PAXIP1: variants seen among roughly 807,000 people sequenced by gnomAD.
PAXIP1 encodes the protein PAX interacting protein 1, also known as PAX-interacting protein 1.
A neutral mutation model predicts 140.6 loss-of-function variants in PAXIP1; 19 were observed. The observed-to-expected ratio is 0.14, with a 90% CI of 0.09 to 0.20. The LOEUF (loss-of-function observed/expected upper bound fraction) is 0.20, where lower values mean the gene tolerates loss of function less well. Among genes scored for constraint, PAXIP1 ranks in the 10% least tolerant of loss-of-function variants. The pLI is 1.00. For missense variants in PAXIP1, 920 were observed against 1,208.6 expected (o/e 0.76, Z 3.54); for synonymous variants, 442 against 444.6 (o/e 0.99, Z 0.07).
At chr7:154,971,350 C>T (rs1390839713) in intron 6 of PAXIP1, among the ~76,000 whole-genome samples, 1 of 152,198 alleles carries the variant, frequency 6.6e-6, no homozygotes, top group East Asian at 1.9e-4. Context: ...GCTGACCCAC[C>T]CCATTAAGGG....
chr7:154,948,190 AAGAC>A (rs1230373095), intron 16 of PAXIP1, 187 bp from the exon 17 acceptor site: 3 of 569,500 alleles, frequency 5.3e-6, no homozygotes, highest in South Asian at 2.2e-5. Flanking sequence ...CCAGACCAAA[AAGAC>A]AGACAGGTAT....
At chr7:154,987,606 G>C (rs991027396) in intron 4 of PAXIP1, among the ~76,000 whole-genome samples, 5 of 152,156 alleles carry the variant, frequency 3.3e-5, no homozygotes, top group Admixed American at 2.0e-4. Context: ...CAACAGCCCA[G>C]AGTGTGTTTC....
Position 154,986,601 on chromosome 7 carries a change from A to G in PAXIP1, c.325-3269T>C, listed in dbSNP as rs1810088712. Among the ~76,000 whole-genome samples, 1 of 152,222 alleles carries G rather than the reference A, an allele frequency of 6.6e-6. No individual in the cohort carries two copies. The highest frequency in any genetic ancestry group is 1.5e-5 in the Non-Finnish European group (1 of 68,044). On this transcript the variant is annotated intron_variant, in intron 4 of 20. Transcript: ENST00000404141. This position sits in a 1 kb window ranked among gnomAD's most constrained non-coding sequence, Gnocchi z 4.8. The stretch of plus-strand genomic sequence containing the variant: ...TGTTAATGTATCTTACAACCAAAAT[A>G]ACATTTTTTAGCAACCACAAAATAT...
At chr7:154,985,884 G>A (rs1273312645) in intron 4 of PAXIP1, 1 of 575,934 alleles carries the variant, frequency 1.7e-6, no homozygotes, top group African/African-American at 2.0e-5. Flanking sequence ...TACAGTGCAA[G>A]GCACATGGGT....
intron 16 of PAXIP1, chr7:154,950,592 A>G (rs1354394797): frequency 6.6e-6 from 1 of 152,230 alleles, no homozygotes; most frequent in Admixed American, 6.5e-5. Context: ...AAAGCTAAAC[A>G]TACTCTTACC....
In PAXIP1 at chr7:154,975,898, T is replaced by G; in HGVS notation, c.872A>C (p.Asn291Thr). ...GACGGGTGGGACATTGGCACACAAG[T>G]TAATCAACCCAGGCTCCTTTCCCTG... The part of the protein sequence containing the change: ...LPQGKEPGLI[N>T]LCANVPPVPG... The change falls in exon 6 of 21, where the codon AAC becomes ACC. Residue 291 changes from asparagine to threonine, a missense_variant. By Grantham distance (65) the Asn-to-Thr change is moderately conservative. Coordinates refer to ENST00000404141, the MANE Select transcript of PAXIP1 (RefSeq NM_007349.4). 1 of 1,613,892 alleles carries G rather than the reference T, an allele frequency of 6.2e-7. No individual in the cohort carries two copies. Among genetic ancestry groups the G allele is most frequent in the Non-Finnish European group, 8.5e-7 (1 of 1,179,852 alleles).
chr7:154,968,998 T>C lies in PAXIP1; in HGVS notation c.1203A>G (p.Leu401=), dbSNP rs1175719912. 6.4e-7 allele frequency: 1 copy of C among 1,550,708 alleles called. No individual in the cohort carries two copies. Among genetic ancestry groups the C allele is most frequent in the South Asian group, 1.2e-5 (1 of 83,964 alleles). The part of the protein sequence containing the change: ...QVKVTPETHM[L]QQQQQAQQQQ... ...GCTGCTGGGCCTGCTGCTGCTGCTG[T>C]AGCATGTGTGTCTCTGGAGTCACTT... The change falls in exon 7 of 21, where the codon CTA becomes CTG. Residue 401 remains leucine, a synonymous_variant. Transcript: ENST00000404141.
rs372440760 is a variant in PAXIP1, at chr7:154,975,914, C to T, written c.856G>A (p.Glu286Lys). The T allele has an allele frequency of 1.2e-6, 2 of 1,613,996 alleles. No individual in the cohort carries two copies. The highest frequency in any genetic ancestry group is 1.7e-6 in the Non-Finnish European group (2 of 1,179,878). The stretch of plus-strand genomic sequence containing the variant: ...GCACACAAGTTAATCAACCCAGGCT[C>T]CTTTCCCTGAGGCAGCCTGCGTTTT... ...AAKRRLPQGK[E>K]PGLINLCANV... The change falls in exon 6 of 21, where the codon GAG (glutamate) becomes AAG (lysine). Residue 286 changes from glutamate (E) to lysine (K), a missense_variant. Glu to Lys is a moderately conservative substitution (Grantham distance 56, BLOSUM62 1). This residue lies in a region of PAXIP1 where 419 missense variants were observed against 514.7 expected (regional missense o/e 0.81). Transcript: ENST00000404141.
chr7:154,974,713 C>T (rs948329433), intron 6 of PAXIP1: 18 of 152,174 alleles, frequency 1.2e-4, no homozygotes, highest in African/African-American at 4.3e-4. Context: ...GTTCATATTT[C>T]TCCACTTACT....
At chr7:154,944,567 C>A in intron 20 of PAXIP1, 1 of 157,056 alleles carries the variant, frequency 6.4e-6, no homozygotes, top group Non-Finnish European at 1.4e-5. Flanking sequence ...AATTCTAAAC[C>A]GTCCACTTTG....
At position 154,946,708 on chromosome 7, in the gene PAXIP1, G is replaced by A. The variant is rs763947571; in HGVS notation, c.3028C>T (p.Arg1010Trp). ...GKVLSKQPSFRKLMEHKQNSS... is the reference protein window; with the variant it reads ...GKVLSKQPSFWKLMEHKQNSS... ...TTCTGCTTGTGCTCCATGAGCTTCC[G>A]GAAAGATGGCTGCTTGGATAACACC... The change falls in exon 18 of 21, where the codon CGG becomes TGG. Residue 1010 changes from arginine to tryptophan, a missense_variant. Transcript: ENST00000404141. This position sits in a 1 kb window ranked among gnomAD's most constrained non-coding sequence, Gnocchi z 4.9. 32 of 1,613,482 alleles carry A rather than the reference G, an allele frequency of 2.0e-5. No homozygotes were observed. Among genetic ancestry groups the A allele is most frequent in the South Asian group, 3.3e-5 (3 of 91,036 alleles).
At chr7:154,962,691 A>T in intron 9 of PAXIP1, 1 of 369,608 alleles carries the variant, frequency 2.7e-6, no homozygotes, top group Non-Finnish European at 5.0e-6. Flanking sequence ...AAAGCAACAA[A>T]TTCTACAACA....
Position 154,954,480 on chromosome 7 carries a change from C to A in PAXIP1, c.2653-57G>T. On this transcript the variant is annotated intron_variant, in intron 15 of 20. Transcript: ENST00000404141. The surrounding 1 kb of genome is among the most constrained non-coding windows in gnomAD (Gnocchi z 5.1). ...AAAGTTCAGCATCCACAGAGCCACA[C>A]TGACACAGAGTAACACAGAGGAATA... is the stretch of plus-strand genomic sequence containing the variant. The A allele has an allele frequency of 8.0e-7, 1 of 1,251,316 alleles. No individual in the cohort carries two copies. The highest frequency in any genetic ancestry group is 1.1e-6 in the Non-Finnish European group (1 of 930,958). 77.5% of individuals were successfully genotyped at this position (1,251,316 alleles called of 1,614,324 possible).
In PAXIP1 at chr7:154,963,115, G is replaced by A. The variant is rs553268443; in HGVS notation, c.1989+556C>T. On this transcript the variant is annotated intron_variant, in intron 9 of 20. Transcript: ENST00000404141. The surrounding 1 kb of genome is among the most constrained non-coding windows in gnomAD (Gnocchi z 4.1). Reference sequence around the variant, plus strand: ...GTCACACACCAGTACAGAATCCTGCGTCCCTTCACCGTGCACAGAGAGCAG... The same window carrying A: ...GTCACACACCAGTACAGAATCCTGCATCCCTTCACCGTGCACAGAGAGCAG... 5.3e-5 allele frequency among the ~76,000 whole-genome samples: 8 copies of A among 152,254 alleles called. No individual in the cohort carries two copies. The highest frequency in any genetic ancestry group is 7.4e-5 in the Non-Finnish European group (5 of 68,012).
intron 1 of PAXIP1, 74 bp downstream of exon 1, chr7:155,002,775 G>GGGACGGGGACGGGGACGGGGAC (rs1312946757): frequency 6.0e-5 from 43 of 711,848 alleles, no homozygotes; most frequent in Admixed American, 3.6e-4. Flanking sequence ...GGCAGGAGCG[G>GGGACGGGGACGGGGACGGGGAC]GGACGGGGAC....
chr7:154,966,033 ATC>A (rs1563370561), intron 8 of PAXIP1, among the ~76,000 whole-genome samples: 1 of 152,130 alleles, frequency 6.6e-6, no homozygotes, highest in African/African-American at 2.4e-5. Flanking sequence ...CTCTCTTTCA[ATC>A]TCTGAGTCAA....
Position 154,946,714 on chromosome 7 carries a change from A to T in PAXIP1, c.3022T>A (p.Ser1008Thr). The change falls in exon 18 of 21, where the codon TCT becomes ACT. Residue 1008 changes from serine (S) to threonine (T), a missense_variant. By Grantham distance (58) the Ser-to-Thr change is moderately conservative. Coordinates refer to ENST00000404141, the MANE Select transcript of PAXIP1 (RefSeq NM_007349.4). The surrounding 1 kb of genome is among the most constrained non-coding windows in gnomAD (Gnocchi z 4.9). ...TTGTGCTCCATGAGCTTCCGGAAAG[A>T]TGGCTGCTTGGATAACACCTTTCCT... The part of the protein sequence containing the change: ...AGGKVLSKQP[S>T]FRKLMEHKQN... The T allele has an allele frequency of 6.2e-7, 1 of 1,613,786 alleles. No individual in the cohort carries two copies. Among genetic ancestry groups the T allele is most frequent in the Non-Finnish European group, 8.5e-7 (1 of 1,179,842 alleles).
chr7:154,988,600 C>T (rs1563386657), intron 4 of PAXIP1, among the ~76,000 whole-genome samples: 1 of 152,164 alleles, frequency 6.6e-6, no homozygotes, highest in Non-Finnish European at 1.5e-5. Flanking sequence ...TACTCACATA[C>T]TTTTGATTTT....
chr7:154,991,297 TATATC>T (rs1275849365), intron 3 of PAXIP1, among the ~76,000 whole-genome samples: 4 of 152,328 alleles, frequency 2.6e-5, no homozygotes, highest in South Asian at 2.1e-4. Context: ...TCTCTCCACT[TATATC>T]ATAAATCAAA....
Sources: gnomAD v4.1 joint callset for allele counts (sites outside exome capture counted in the v4.1 genomes callset) on GRCh38, gnomAD v4.1.1 for gene constraint, gnomAD v4.1.1 regional missense constraint, Gnocchi (gnomAD v3.1) non-coding constraint, MANE v1.5 for transcripts, NCBI Gene and HGNC (gene_info 2026-07-23, HGNC 2026-07-21) for gene names.